AIFM2: variants seen among roughly 807,000 people sequenced by gnomAD.
AIFM2 encodes ferroptosis suppressor protein 1.
AIFM2 carries 38 observed loss-of-function variants against 35.7 expected under a neutral mutation model. That is an observed-to-expected ratio of 1.06 (90% CI 0.82 to 1.39). The LOEUF is 1.39. Ranked by LOEUF, AIFM2 falls within the 40% of genes most tolerant of loss-of-function variation. The probability of loss-of-function intolerance (pLI) is 0.00; values close to 1 mark genes in which losing one functional copy is unlikely to be tolerated. For synonymous variants in AIFM2, 185 were observed against 203.5 expected (o/e 0.91, Z 0.77); for missense variants, 476 against 491.2 (o/e 0.97, Z 0.29).
intron 5 of AIFM2, among the ~76,000 whole-genome samples, chr10:70,119,231 T>A (rs1347005788): frequency 6.6e-6 from 1 of 152,214 alleles, no homozygotes; most frequent in East Asian, 1.9e-4. Flanking sequence ...TCCTTCGTCA[T>A]AAATCAGCAA....
chr10:70,121,024 G>A, intron 4 of AIFM2, 68 bp downstream of exon 4: 1 of 1,566,410 alleles, frequency 6.4e-7, no homozygotes, highest in Non-Finnish European at 8.6e-7. Context: ...CCAGCTGCAG[G>A]CCTAGGCATC....
Position 70,120,598 on chromosome 10 carries a change from A to G in AIFM2, c.416T>C (p.Val139Ala), listed in dbSNP as rs773338406. The change falls in exon 5 of 9, where the codon GTC (valine) becomes GCC (alanine). Residue 139 changes from valine to alanine, a missense_variant and splice_region_variant. Physicochemically the swap from Val to Ala is moderately conservative, Grantham distance 64. Transcript: ENST00000307864. ...IQAYEDMVRQ[V>A]QRSRFIVVVG... ...CACCACGATGAACCGTGAGCGCTGG[A>G]CCTGGAGAAGAGGACATGTGAAACA... 6.2e-7 allele frequency: 1 copy of G among 1,614,084 alleles called. No homozygotes were observed.
At chr10:70,121,046 C>T (rs2072497541) in intron 4 of AIFM2, 46 bp downstream of exon 4, 2 of 1,591,588 alleles carry the variant, frequency 1.3e-6, no homozygotes, top group African/African-American at 1.3e-5. Context: ...CCAAGGCTGT[C>T]CTTCCATCTG....
At chr10:70,126,901 T>C (rs2072572790) in intron 1 of AIFM2, among the ~76,000 whole-genome samples, 1 of 138,346 alleles carries the variant, frequency 7.2e-6, no homozygotes, top group Non-Finnish European at 1.5e-5. Flanking sequence ...TGAGCCCTCG[T>C]AGAGATTAGG....
chr10:70,117,819 C>T lies in AIFM2; in HGVS notation c.609G>A (p.Leu203=). 6.2e-7 allele frequency: 1 copy of T among 1,604,360 alleles called. No individual in the cohort carries two copies. Among genetic ancestry groups the T allele is most frequent in the Non-Finnish European group, 8.5e-7 (1 of 1,176,172 alleles). ...KEILLRKGVQ[L]LLSERVSNLE... is the part of the protein sequence containing the mutation. ...AGGTGAGGGTGCACGTACTCAGCAG[C>T]AGCTGCACGCCCTTCCGGAGGAGGA... Residue 203 remains leucine, a synonymous_variant, in exon 6 of 9, where the codon CTG becomes CTA. Coordinates refer to ENST00000307864, the MANE Select transcript of AIFM2 (RefSeq NM_032797.6). The surrounding 1 kb of genome is among the most constrained non-coding windows in gnomAD (Gnocchi z 4.7).
chr10:70,114,243 G>T lies in AIFM2; in HGVS notation c.1057C>A (p.Leu353Met), dbSNP rs755908795. 53 of 1,613,758 alleles carry T rather than the reference G, an allele frequency of 3.3e-5. No individual in the cohort carries two copies. The highest frequency in any genetic ancestry group is 4.2e-5 in the Non-Finnish European group (49 of 1,180,026). Residue 353 changes from leucine to methionine, a missense_variant, in exon 9 of 9, where the codon CTG becomes ATG. Transcript: ENST00000307864. ...ACGAACAGGTCCCGGCTCTTGGTCA[G>T]CCGAACCATGAGCCGGCCCACATAG... is the stretch of plus-strand genomic sequence containing the variant. ...GFYVGRLMVR[L>M]TKSRDLFVST... is the part of the protein sequence containing the mutation.
At chr10:70,130,360 T>C (rs1263547747) in intron 1 of AIFM2, among the ~76,000 whole-genome samples, 1 of 152,170 alleles carries the variant, frequency 6.6e-6, no homozygotes, top group African/African-American at 2.4e-5. Context: ...ATGTTCTTTC[T>C]GTCTCTATAG....
rs370369641 is a variant in AIFM2, at chr10:70,121,176, G to A, written c.330C>T (p.Gly110=). The A allele has an allele frequency of 4.4e-6, 7 of 1,591,628 alleles. No individual in the cohort carries two copies. In the African/African-American group the frequency reaches 9.8e-5, roughly 22 times the overall value. The change falls in exon 4 of 9, where the codon GGC becomes GGT. Residue 110 remains glycine, a synonymous_variant. Transcript: ENST00000307864. ...LPFSHLILAT[G]STGPFPGKFN... is the part of the protein sequence containing the mutation. Reference sequence around the variant, plus strand: ...ACTTGCCCGGGAAGGGCCCAGTGCTGCCCGTGGCCAGGATAAGATGAGAGA... The same window carrying A: ...ACTTGCCCGGGAAGGGCCCAGTGCTACCCGTGGCCAGGATAAGATGAGAGA...
intron 5 of AIFM2, among the ~76,000 whole-genome samples, chr10:70,119,142 A>C (rs1310503091): frequency 1.3e-5 from 2 of 152,232 alleles, no homozygotes; most frequent in African/African-American, 4.8e-5. Context: ...TGGGGACAGA[A>C]GCCCCTGTGC....
chr10:70,125,938 C>T (rs2072561177), intron 1 of AIFM2, among the ~76,000 whole-genome samples: 1 of 152,222 alleles, frequency 6.6e-6, no homozygotes, highest in Non-Finnish European at 1.5e-5. Flanking sequence ...GGCCCTACAG[C>T]AGCAAAGTTG....
At chr10:70,121,004 C>A in intron 4 of AIFM2, 88 bp downstream of exon 4, 1 of 1,534,974 alleles carries the variant, frequency 6.5e-7, no homozygotes, top group South Asian at 1.3e-5. Flanking sequence ...CTGAGTAACC[C>A]CGTGGCCTCC....
rs770141807 is a variant in AIFM2, at chr10:70,114,875, C to A, written c.970+45G>T. The A allele has an allele frequency of 1.5e-5, 24 of 1,600,788 alleles. No homozygotes were observed. The Middle Eastern group carries it at 5.0e-4, about 33-fold the overall frequency. ...CCCAAAAAGGCTTCCCCATGTTTAA[C>A]CCCAAACTCTATTAAAACTGCAAAG... On this transcript the variant is annotated intron_variant, in intron 8 of 8. Coordinates refer to ENST00000307864, the MANE Select transcript of AIFM2 (RefSeq NM_032797.6).
intron 1 of AIFM2, among the ~76,000 whole-genome samples, chr10:70,125,629 A>T (rs1453224976): frequency 6.6e-6 from 1 of 151,748 alleles, no homozygotes; most frequent in Non-Finnish European, 1.5e-5. Flanking sequence ...AAAAAATAAA[A>T]CAATAAAAAT....
intron 3 of AIFM2, among the ~76,000 whole-genome samples, chr10:70,122,935 G>A (rs1292608325): frequency 3.3e-5 from 5 of 152,222 alleles, no homozygotes; most frequent in African/African-American, 1.2e-4. Flanking sequence ...CCATATTCTT[G>A]TGGTTGCTGT....
chr10:70,123,459 C>T lies in AIFM2; in HGVS notation c.240G>A (p.Gly80=), dbSNP rs1307924483. ...SVTFKDNFRQ[G]LVVGIDLKNQ... ...TCTTCAGGTCTATCCCCACTACTAGCCCCTGCCGGAAGTTGTCCTTGAAAG... is the reference window on the plus strand; with the variant it reads ...TCTTCAGGTCTATCCCCACTACTAGTCCCTGCCGGAAGTTGTCCTTGAAAG... The change falls in exon 3 of 9, where the codon GGG becomes GGA. Residue 80 remains glycine (G), a synonymous_variant. Transcript: ENST00000307864. 4 of 1,614,212 alleles carry T rather than the reference C, an allele frequency of 2.5e-6. No homozygotes were observed. Among genetic ancestry groups the T allele is most frequent in the Non-Finnish European group, 3.4e-6 (4 of 1,180,036 alleles).
At chr10:70,126,408 T>C (rs1299192691) in intron 1 of AIFM2, among the ~76,000 whole-genome samples, 2 of 152,100 alleles carry the variant, frequency 1.3e-5, no homozygotes, top group East Asian at 3.9e-4. Flanking sequence ...AGGTCAACCT[T>C]GAAGGATAGA....
chr10:70,122,043 G>A (rs77096551), intron 3 of AIFM2, among the ~76,000 whole-genome samples: 58,443 of 151,896 alleles, frequency 0.38, 11,900 homozygotes, highest in East Asian at 0.52. Flanking sequence ...GGTGACCCGA[G>A]ACCATGCCAT....
At chr10:70,129,279 T>C (rs1192739238) in intron 1 of AIFM2, among the ~76,000 whole-genome samples, 1 of 151,998 alleles carries the variant, frequency 6.6e-6, no homozygotes, top group African/African-American at 2.4e-5. Context: ...GTAGAAAAGA[T>C]TCAATGAGAT....
intron 3 of AIFM2, among the ~76,000 whole-genome samples, chr10:70,121,671 C>T (rs951189921): frequency 6.7e-6 from 1 of 148,216 alleles, no homozygotes; most frequent in Admixed American, 6.7e-5. Flanking sequence ...TGAACAGCCA[C>T]TGCACTGAGC....
Sources: gnomAD v4.1 joint callset for allele counts (sites outside exome capture counted in the v4.1 genomes callset) on GRCh38, gnomAD v4.1.1 for gene constraint, Gnocchi (gnomAD v3.1) non-coding constraint, MANE v1.5 for transcripts, NCBI Gene and HGNC (gene_info 2026-07-23, HGNC 2026-07-21) for gene names.